The following KAT6A variants were observed in gnomAD, a reference collection of about 807,000 sequenced individuals.
The protein encoded by KAT6A is lysine acetyltransferase 6A.
A neutral mutation model predicts 198.4 loss-of-function variants in KAT6A; 9 were observed. The ratio of observed to expected loss-of-function variants is 0.05; its 90% confidence interval spans 0.03 to 0.08. The LOEUF (loss-of-function observed/expected upper bound fraction) is 0.08. Ranked by LOEUF, KAT6A falls within the 10% of genes least tolerant of loss-of-function variation. The pLI is 1.00. For missense variants in KAT6A, 2,077 were observed against 2,509.9 expected (o/e 0.83, Z 3.69); for synonymous variants, 890 against 883.0 (o/e 1.01, Z -0.14).
At chr8:41,977,463 A>G in intron 6 of KAT6A, 136 bp from the exon 7 acceptor site, 1 of 576,554 alleles carries the variant, frequency 1.7e-6, no homozygotes, top group Non-Finnish European at 3.0e-6. Flanking sequence ...TCTGCAAACT[A>G]TAAATAGTAC....
At chr8:41,999,341 GGAT>G (rs1245932831) in intron 2 of KAT6A, among the ~76,000 whole-genome samples, 4 of 152,012 alleles carry the variant, frequency 2.6e-5, no homozygotes, top group African/African-American at 4.8e-5. Context: ...TCCAAATACT[GGAT>G]GATATTTACA....
At chr8:42,027,799 T>C (rs1281274245) in intron 2 of KAT6A, among the ~76,000 whole-genome samples, 2 of 152,160 alleles carry the variant, frequency 1.3e-5, no homozygotes, top group Non-Finnish European at 2.9e-5. Context: ...CTTTATTATT[T>C]CTTTCTTTCT....
rs1228870251 is a variant in KAT6A, at chr8:41,937,526, G to A, written c.3082C>T (p.His1028Tyr). 6 of 1,613,920 alleles carry A rather than the reference G, an allele frequency of 3.7e-6. No individual in the cohort carries two copies. In the South Asian group the frequency reaches 6.6e-5, roughly 18 times the overall value. The change falls in exon 16 of 17, where the codon CAC becomes TAC. Residue 1028 changes from histidine to tyrosine, a missense_variant. This residue lies in a region of KAT6A where 19 missense variants were observed against 40.5 expected (regional missense o/e 0.47). Transcript: ENST00000265713. Reference sequence around the variant, plus strand: ...TCTGTGACTACACTGCTATTGTGGTGTTTGCGCTTTCGGACTCTCCTCCTT... The same window carrying A: ...TCTGTGACTACACTGCTATTGTGGTATTTGCGCTTTCGGACTCTCCTCCTT... The part of the protein sequence containing the change: ...HRRRRVRKRK[H>Y]HNSSVVTETI...
chr8:42,038,346 T>C (rs1827477912), intron 2 of KAT6A, among the ~76,000 whole-genome samples: 1 of 152,190 alleles, frequency 6.6e-6, no homozygotes, highest in Non-Finnish European at 1.5e-5. Context: ...TCCCAAAAAG[T>C]TGTTTCAAAA....
chr8:42,001,754 A>C (rs1825504320), intron 2 of KAT6A, among the ~76,000 whole-genome samples: 1 of 152,144 alleles, frequency 6.6e-6, no homozygotes, highest in Non-Finnish European at 1.5e-5. Context: ...GAAGAATGAA[A>C]TTCTCCTACA....
At chr8:41,965,367 A>G (rs1291735881) in intron 8 of KAT6A, among the ~76,000 whole-genome samples, 1 of 152,222 alleles carries the variant, frequency 6.6e-6, no homozygotes, top group Non-Finnish European at 1.5e-5. Context: ...AGGTCATACA[A>G]AACAGGCTGT....
rs184603638 is a variant in KAT6A at position 42,010,166 on chromosome 8, G to A, written c.601-22603C>T. ...CTAAAAATACAAAAATTAGCTTGGT[G>A]TGGTCGCGCACGCATGTAGTCCCAG... On this transcript the variant is annotated intron_variant, in intron 2 of 16. Coordinates refer to ENST00000265713, the MANE Select transcript of KAT6A (RefSeq NM_006766.5). Among the ~76,000 whole-genome samples the A allele has an allele frequency of 6.2e-3, 942 of 152,102 alleles. 7 individuals are homozygous for A. The highest frequency in any genetic ancestry group is 0.022 in the African/African-American group (916 of 41,490).
At chr8:41,955,471 G>A in intron 8 of KAT6A, 60 bp from the exon 9 acceptor site, 1 of 1,046,160 alleles carries the variant, frequency 9.6e-7, no homozygotes, top group Non-Finnish European at 1.5e-6. Flanking sequence ...AGATAACAAA[G>A]AAAGTTCTGA....
intron 3 of KAT6A, among the ~76,000 whole-genome samples, chr8:41,986,899 G>A (rs1237044230): frequency 1.3e-5 from 2 of 152,060 alleles, no homozygotes; most frequent in Non-Finnish European, 2.9e-5. Context: ...TTAGCCAGGT[G>A]TGGTGGCAGG....
intron 2 of KAT6A, among the ~76,000 whole-genome samples, chr8:42,036,168 G>GA (rs1048051954): frequency 1.3e-5 from 2 of 151,628 alleles, no homozygotes; most frequent in Non-Finnish European, 2.9e-5. Flanking sequence ...CTGAAAATGA[G>GA]AAAAAAAGGT....
intron 2 of KAT6A, among the ~76,000 whole-genome samples, chr8:41,999,139 T>A (rs1825365506): frequency 6.6e-6 from 1 of 152,124 alleles, no homozygotes; most frequent in South Asian, 2.1e-4. Flanking sequence ...AGATAAGAAA[T>A]CAATCATCTA....
In KAT6A at chr8:42,040,735, CAAAAAAAAAA is replaced by C. The variant is rs59959496; in HGVS notation, c.600+7633_600+7642del. On this transcript the variant is annotated intron_variant, in intron 2 of 16. Transcript: ENST00000265713. ...AAGTGACAAGAGCAAGACTCTGTCT[CAAAAAAAAAA>C]AAAAAAAAAAAAAAAGAAAGAAAGA... Among the ~76,000 whole-genome samples the C allele has an allele frequency of 2.4e-4, 13 of 54,670 alleles. No individual in the cohort carries two copies. In the South Asian group the frequency reaches 3.1e-3, roughly 13 times the overall value. The allele number at this position is 54,670 out of a possible 152,430, so 35.9% of individuals were successfully genotyped here. A position where few individuals can be genotyped will look rare whatever the true frequency, so the allele number is the denominator to read the frequency against.
intron 8 of KAT6A, among the ~76,000 whole-genome samples, chr8:41,962,609 C>T (rs1213234131): frequency 1.5e-5 from 2 of 130,682 alleles, no homozygotes; most frequent in Non-Finnish European, 3.4e-5. Context: ...CTGCCCCCCG[C>T]CCCCTCAATC....
At chr8:42,032,853 G>C (rs962207095) in intron 2 of KAT6A, among the ~76,000 whole-genome samples, 10 of 139,190 alleles carry the variant, frequency 7.2e-5, no homozygotes, top group African/African-American at 2.2e-4. Flanking sequence ...ATGGTCTAAT[G>C]CTTATTTAAA....
In KAT6A at chr8:41,943,984, A is replaced by C. The variant is rs1481932136; in HGVS notation, c.1997-5T>G. 1 of 1,603,738 alleles carries C rather than the reference A, an allele frequency of 6.2e-7. No homozygotes were observed. On this transcript the variant is annotated splice_polypyrimidine_tract_variant and splice_region_variant and intron_variant, in intron 12 of 16. Coordinates refer to ENST00000265713, the MANE Select transcript of KAT6A (RefSeq NM_006766.5). ...CACGCTTTGATAACAAATAACCTAA[A>C]GAATCACAAATAACTCAAATCAGAA...
chr8:41,957,436 TG>T (rs1162319337), intron 8 of KAT6A: 2 of 368,246 alleles, frequency 5.4e-6, no homozygotes, highest in African/African-American at 4.2e-5. Context: ...CTGTCATATC[TG>T]AACTACAAGG....
chr8:42,032,774 TAAAAAAGTGACAAC>T (rs931325426), intron 2 of KAT6A, among the ~76,000 whole-genome samples: 3 of 149,684 alleles, frequency 2.0e-5, no homozygotes, highest in African/African-American at 7.4e-5. Context: ...ACAGTGAGGC[TAAAAAAGTGACAAC>T]AGTTGTGGCT....
chr8:42,048,272 A>G (rs538878808), intron 2 of KAT6A, 106 bp downstream of exon 2: 1 of 1,249,322 alleles, frequency 8.0e-7, no homozygotes, highest in African/African-American at 1.5e-5. Context: ...TGATCACTCC[A>G]CAGAAGTCCC....
intron 2 of KAT6A, among the ~76,000 whole-genome samples, chr8:42,019,190 C>T (rs1242338431): frequency 2.6e-5 from 4 of 152,106 alleles, no homozygotes; most frequent in African/African-American, 9.7e-5. Context: ...GATATTTTTA[C>T]CTGTTTGAGA....
Sources: gnomAD v4.1 joint callset for allele counts (sites outside exome capture counted in the v4.1 genomes callset) on GRCh38, gnomAD v4.1.1 for gene constraint, gnomAD v4.1.1 regional missense constraint, MANE v1.5 for transcripts, NCBI Gene and HGNC (gene_info 2026-07-23, HGNC 2026-07-21) for gene names.